TSHZ2: variants seen among roughly 807,000 people sequenced by gnomAD.
TSHZ2 encodes the protein teashirt zinc finger homeobox 2.
Under a neutral mutation model 74.4 loss-of-function variants are expected in TSHZ2, and 21 were observed. The ratio of observed to expected loss-of-function variants is 0.28; its 90% CI spans 0.20 to 0.41. The LOEUF is 0.41. Among genes scored for constraint, TSHZ2 ranks in the 10% least tolerant of loss-of-function variants. TSHZ2 has a pLI of 1.00. For missense variants in TSHZ2, 1,244 were observed against 1,293.5 expected, an observed-to-expected ratio of 0.96 and a Z score of 0.59; for synonymous variants, 540 against 515.3, an observed-to-expected ratio of 1.05 and a Z score of -0.65.
chr20:53,359,131 G>GT (rs1367515792), intron 2 of TSHZ2, among the ~76,000 whole-genome samples: 1 of 152,052 alleles, frequency 6.6e-6, no homozygotes, highest in Non-Finnish European at 1.5e-5. Context: ...TAATCCAGTT[G>GT]TTTTATAGAC....
intron 2 of TSHZ2, among the ~76,000 whole-genome samples, chr20:53,423,227 C>T (rs1275398111): frequency 9.9e-5 from 15 of 152,070 alleles, no homozygotes; most frequent in Admixed American, 9.8e-4. Context: ...GGCAAAACCC[C>T]GTCTCTACTA....
At chr20:53,422,535 AC>A (rs1983512547) in intron 2 of TSHZ2, among the ~76,000 whole-genome samples, 1 of 151,822 alleles carries the variant, frequency 6.6e-6, no homozygotes, top group Non-Finnish European at 1.5e-5. Context: ...TCTCAGAACC[AC>A]CCCCCTCAGA....
chr20:53,464,548 T>C (rs1310437125), intron 2 of TSHZ2, among the ~76,000 whole-genome samples: 1 of 152,120 alleles, frequency 6.6e-6, no homozygotes, highest in Admixed American at 6.5e-5. Flanking sequence ...CTGCAGCCTC[T>C]ACCTCCCAGC....
rs75481250 is a variant in TSHZ2 at position 53,473,479 on chromosome 20, T to A, written c.*9-13665T>A. On this transcript the variant is annotated intron_variant, in intron 2 of 2. Coordinates refer to ENST00000371497, the MANE Select transcript of TSHZ2 (RefSeq NM_173485.6). ...TTAGAAGGAAAACTAACAAACAGAATGGACATCCACACCAAAAACCCATCT... is the reference window on the plus strand; with the variant it reads ...TTAGAAGGAAAACTAACAAACAGAAAGGACATCCACACCAAAAACCCATCT... Among the ~76,000 whole-genome samples the A allele has an allele frequency of 6.6e-4, 88 of 133,676 alleles. 3 individuals carry two copies. The highest frequency in any genetic ancestry group is 2.1e-3 in the African/African-American group (71 of 33,266). The allele number at this position is 133,676 out of a possible 152,430, so 87.7% of individuals were successfully genotyped here. A position where few individuals can be genotyped will look rare whatever the true frequency, so the allele number is the denominator to read the frequency against.
intron 2 of TSHZ2, among the ~76,000 whole-genome samples, chr20:53,341,945 A>C (rs1980220976): frequency 6.6e-6 from 1 of 152,190 alleles, no homozygotes; most frequent in Non-Finnish European, 1.5e-5. Context: ...TCCTGAGCTC[A>C]GTTGATCCAC....
intron 2 of TSHZ2, among the ~76,000 whole-genome samples, chr20:53,473,068 T>C (rs867590446): frequency 0.17 from 24,395 of 141,546 alleles, 2,365 homozygotes; most frequent in East Asian, 0.25. Context: ...AAGATGGCAG[T>C]GAGGCTGGGG....
intron 1 of TSHZ2, among the ~76,000 whole-genome samples, chr20:53,237,769 T>G (rs1223181905): frequency 1.3e-5 from 2 of 152,172 alleles, no homozygotes; most frequent in Non-Finnish European, 2.9e-5. Context: ...TATGGACGAT[T>G]TAAAGCAGAT....
At chr20:53,129,327 T>G (rs2123377511) in intron 1 of TSHZ2, among the ~76,000 whole-genome samples, 1 of 152,268 alleles carries the variant, frequency 6.6e-6, no homozygotes, top group African/African-American at 2.4e-5. Flanking sequence ...GGGGTACGTG[T>G]GATGTTTTGA....
intron 1 of TSHZ2, among the ~76,000 whole-genome samples, chr20:53,096,745 G>T (rs550771785): frequency 6.6e-6 from 1 of 152,004 alleles, no homozygotes; most frequent in East Asian, 1.9e-4. Flanking sequence ...AGCTGGGCGT[G>T]GTTGTGGGCA....
intron 2 of TSHZ2, among the ~76,000 whole-genome samples, chr20:53,393,665 A>AACACACACACACAC (rs113428598): frequency 2.0e-4 from 30 of 148,538 alleles, no homozygotes; most frequent in Non-Finnish European, 2.4e-4. Context: ...TACACACGCA[A>AACACACACACACAC]ACACACACAC....
chr20:53,089,517 G>A (rs1312048829), intron 1 of TSHZ2, among the ~76,000 whole-genome samples: 1 of 152,008 alleles, frequency 6.6e-6, no homozygotes, highest in African/African-American at 2.4e-5. Context: ...TACATGCCAG[G>A]CACTGTACTT....
intron 1 of TSHZ2, among the ~76,000 whole-genome samples, chr20:53,240,233 T>C (rs896635602): frequency 1.3e-5 from 2 of 152,152 alleles, no homozygotes; most frequent in South Asian, 4.1e-4. Flanking sequence ...CAATCACCAA[T>C]TGGCTTAGAT....
At position 53,463,858 on chromosome 20, in the gene TSHZ2, G is replaced by C. The variant is rs372879896; in HGVS notation, c.*9-23286G>C. On this transcript the variant is annotated intron_variant, in intron 2 of 2. Coordinates refer to ENST00000371497, the MANE Select transcript of TSHZ2 (RefSeq NM_173485.6). Reference sequence around the variant, plus strand: ...TGGTCAAGTTGCTTAACATCTCTGAGCCTTGATTTCCTCCTCTATCTTGAG... The same window carrying C: ...TGGTCAAGTTGCTTAACATCTCTGACCCTTGATTTCCTCCTCTATCTTGAG... Among the ~76,000 whole-genome samples, 32 of 152,282 alleles carry C rather than the reference G, an allele frequency of 2.1e-4. No individual in the cohort carries two copies. The East Asian group carries it at 4.1e-3, about 19-fold the overall frequency.
intron 2 of TSHZ2, among the ~76,000 whole-genome samples, chr20:53,478,785 T>A (rs1986064843): frequency 6.6e-6 from 1 of 152,064 alleles, no homozygotes; most frequent in Admixed American, 6.5e-5. Flanking sequence ...GACAAGCATT[T>A]TATAACTTCC....
chr20:53,329,706 T>C (rs1294548917), intron 2 of TSHZ2, among the ~76,000 whole-genome samples: 1 of 152,178 alleles, frequency 6.6e-6, no homozygotes, highest in Non-Finnish European at 1.5e-5. Context: ...CTGGAAGATA[T>C]TCTAGGTAGT....
intron 2 of TSHZ2, among the ~76,000 whole-genome samples, chr20:53,322,503 AC>A (rs998637653): frequency 6.7e-6 from 1 of 150,366 alleles, no homozygotes; most frequent in African/African-American, 2.5e-5. Flanking sequence ...ACAGAGCAAG[AC>A]CCTGTCTCAA....
intron 2 of TSHZ2, among the ~76,000 whole-genome samples, chr20:53,420,308 T>C (rs766474223): frequency 3.3e-5 from 5 of 152,048 alleles, no homozygotes; most frequent in Non-Finnish European, 7.4e-5. Flanking sequence ...CATGCAGATA[T>C]CTAGGAAAGG....
intron 1 of TSHZ2, among the ~76,000 whole-genome samples, chr20:53,057,516 AATC>A (rs1383999296): frequency 1.3e-5 from 2 of 152,168 alleles, no homozygotes; most frequent in Non-Finnish European, 2.9e-5. Flanking sequence ...TCTTTTAAGA[AATC>A]ATAATAATTC....
At chr20:53,425,438 C>A (rs1019051173) in intron 2 of TSHZ2, among the ~76,000 whole-genome samples, 3 of 152,194 alleles carry the variant, frequency 2.0e-5, no homozygotes, top group Admixed American at 2.0e-4. Flanking sequence ...CATTTCCCTG[C>A]AAGGAAGCCC....
Sources: gnomAD v4.1 joint callset for allele counts (sites outside exome capture counted in the v4.1 genomes callset) on GRCh38, gnomAD v4.1.1 for gene constraint, MANE v1.5 for transcripts, NCBI Gene and HGNC (gene_info 2026-07-23, HGNC 2026-07-21) for gene names.